The following SETX variants were observed in gnomAD, a reference collection of about 807,000 sequenced individuals.
The protein encoded by SETX is senataxin, also known as helicase senataxin.
SETX carries 90 observed loss-of-function variants against 227.2 expected under a neutral mutation model. The ratio of observed to expected loss-of-function variants is 0.40; its 90% CI spans 0.33 to 0.47. The LOEUF (loss-of-function observed/expected upper bound fraction) is 0.47, where lower values mean the gene tolerates loss of function less well. Ranked by LOEUF, SETX falls within the 20% of genes least tolerant of loss-of-function variation. The pLI, the probability that SETX is intolerant of heterozygous loss-of-function variation, is 0.91. For synonymous variants in SETX, 1,210 were observed against 1,113.2 expected, an observed-to-expected ratio of 1.09 and a Z score of -1.73; for missense variants, 3,052 against 3,181.5, an observed-to-expected ratio of 0.96 and a Z score of 0.98.
At chr9:132,302,855 C>T (rs915547613) in intron 11 of SETX, among the ~76,000 whole-genome samples, 1 of 151,912 alleles carries the variant, frequency 6.6e-6, no homozygotes, top group Non-Finnish European at 1.5e-5. Context: ...TGGAAGGCAG[C>T]TATACAGATA....
chr9:132,263,456 C>G lies in SETX; in HGVS notation c.*783G>C, dbSNP rs1002994298. Reference sequence around the variant, plus strand: ...TGCTGGGAGCATTTGAATGATAGCTCAAGAATTATTCTTTCACTCCATATT... The same window carrying G: ...TGCTGGGAGCATTTGAATGATAGCTGAAGAATTATTCTTTCACTCCATATT... On this transcript the variant is annotated 3_prime_UTR_variant, in exon 26 of 26. Transcript: ENST00000224140. The G allele has an allele frequency of 2.0e-5, 3 of 152,198 alleles. No individual in the cohort carries two copies. The highest frequency in any genetic ancestry group is 7.2e-5 in the African/African-American group (3 of 41,454). 9.4% of individuals were successfully genotyped at this position (152,198 alleles called of 1,614,324 possible).
At chr9:132,312,684 T>C (rs1845732394) in intron 10 of SETX, among the ~76,000 whole-genome samples, 1 of 152,198 alleles carries the variant, frequency 6.6e-6, no homozygotes, top group Non-Finnish European at 1.5e-5. Context: ...ATCTGTGTTA[T>C]CTGCTAGTAA....
At position 132,275,439 on chromosome 9, in the gene SETX, G is replaced by A. The variant is rs1843113421; in HGVS notation, c.6936-19C>T. On this transcript the variant is annotated intron_variant, in intron 22 of 25. Coordinates refer to ENST00000224140, the MANE Select transcript of SETX (RefSeq NM_015046.7). ...ATATGAGCTAAACAAGATGGAAAAA[G>A]AAAACACAGTGTTATCAAAACTAAT... 1.3e-6 allele frequency: 2 copies of A among 1,587,038 alleles called. No homozygotes were observed. Among genetic ancestry groups the A allele is most frequent in the Non-Finnish European group, 1.7e-6 (2 of 1,158,634 alleles).
intron 25 of SETX, among the ~76,000 whole-genome samples, chr9:132,266,704 G>A (rs1842669685): frequency 6.6e-6 from 1 of 152,206 alleles, no homozygotes; most frequent in East Asian, 1.9e-4. Flanking sequence ...CCCAGGAGGC[G>A]GACGTTGCAG....
intron 13 of SETX, 118 bp from the exon 14 acceptor site, chr9:132,297,172 T>A: frequency 2.4e-6 from 2 of 850,528 alleles, no homozygotes; most frequent in Non-Finnish European, 3.7e-6. Flanking sequence ...AAGCTTTGGT[T>A]ATGGTCAGAC....
Position 132,261,455 on chromosome 9 carries a change from G to A in SETX, c.*2784C>T, listed in dbSNP as rs1038267517. ...GCAGACGAAATGATGTTAGTACCTT[G>A]TAGTTTACTTCATAATACATAACCT... On this transcript the variant is annotated 3_prime_UTR_variant, in exon 26 of 26. Coordinates refer to ENST00000224140, the MANE Select transcript of SETX (RefSeq NM_015046.7). 1.3e-5 allele frequency: 2 copies of A among 152,232 alleles called. No individual in the cohort carries two copies. Among genetic ancestry groups the A allele is most frequent in the African/African-American group, 4.8e-5 (2 of 41,454 alleles). 9.4% of individuals were successfully genotyped at this position (152,232 alleles called of 1,614,324 possible). A position where few individuals can be genotyped will look rare whatever the true frequency, so the allele number is the denominator to read the frequency against.
chr9:132,310,202 C>T (rs1305186505), intron 11 of SETX, among the ~76,000 whole-genome samples: 2 of 152,112 alleles, frequency 1.3e-5, no homozygotes, highest in Admixed American at 6.5e-5. Context: ...TTACAAAAGC[C>T]CACAAAACAC....
intron 7 of SETX, among the ~76,000 whole-genome samples, chr9:132,332,488 CCA>C (rs1473918242): frequency 6.6e-6 from 1 of 152,216 alleles, no homozygotes; most frequent in Non-Finnish European, 1.5e-5. Context: ...TCAGACTTTA[CCA>C]CAGTCATTTG....
intron 23 of SETX, among the ~76,000 whole-genome samples, chr9:132,272,569 AGCCTCCCAAG>A (rs1842954514): frequency 6.6e-6 from 1 of 152,040 alleles, no homozygotes; most frequent in Non-Finnish European, 1.5e-5. Flanking sequence ...TCCTTGCCTC[AGCCTCCCAAG>A]GAGATGCATG....
At chr9:132,283,010 A>G (rs1217157099) in intron 19 of SETX, 2 of 514,978 alleles carry the variant, frequency 3.9e-6, no homozygotes, top group African/African-American at 1.9e-5. Context: ...GGAGTGAGAC[A>G]GTCACTCAGC....
intron 19 of SETX, 48 bp from the exon 20 acceptor site, chr9:132,281,622 T>C (rs1168167183): frequency 1.5e-6 from 2 of 1,300,662 alleles, no homozygotes; most frequent in Non-Finnish European, 2.2e-6. Flanking sequence ...TCTTTGCTAT[T>C]TATCCATATA....
At chr9:132,286,379 GAAA>G (rs201395158) in intron 18 of SETX, 41 bp downstream of exon 18, 7 of 1,166,358 alleles carry the variant, frequency 6.0e-6, no homozygotes, top group East Asian at 2.6e-5. Context: ...ATTTTAAAAA[GAAA>G]AAAAAAAAAA....
Position 132,336,342 on chromosome 9 carries a change from C to G in SETX, c.672G>C (p.Leu224=). Residue 224 remains leucine (L), a synonymous_variant, in exon 6 of 26, where the codon CTG becomes CTC. Transcript: ENST00000224140. ...TGGTAGTATCATACATGTGTGAGGG[C>G]AGAAGAATCAGTTTACCCTTCTCTA... is the stretch of plus-strand genomic sequence containing the variant. ...SVLEKGKLIL[L]PSHMYDTTNY... is the part of the protein sequence containing the mutation. 2.5e-6 allele frequency: 4 copies of G among 1,614,008 alleles called. No homozygotes were observed. Among genetic ancestry groups the G allele is most frequent in the Non-Finnish European group, 3.4e-6 (4 of 1,179,920 alleles).
chr9:132,301,089 T>C (rs955664447), intron 11 of SETX, among the ~76,000 whole-genome samples: 40 of 72,960 alleles, frequency 5.5e-4, no homozygotes, highest in African/African-American at 2.3e-3. Flanking sequence ...TTTATTCTGC[T>C]TTTTTTTTTT....
In SETX at chr9:132,327,720, G is replaced by A. The variant is rs781408572; in HGVS notation, c.3878C>T (p.Pro1293Leu). Reference sequence around the variant, plus strand: ...CTGGGACAACTCATATGCCTTACGAGGACCCTTTTTCAGGCCAAGTTTCTC... The same window carrying A: ...CTGGGACAACTCATATGCCTTACGAAGACCCTTTTTCAGGCCAAGTTTCTC... ...TAEKLGLKKG[P>L]RKAYELSQRS... Residue 1293 changes from proline to leucine, a missense_variant, in exon 10 of 26, where the codon CCT (proline) becomes CTT (leucine). Physicochemically the swap from Pro to Leu is moderately conservative, Grantham distance 98. Around this residue, in one of 10 missense-constraint regions of SETX, gnomAD observed 1,483 missense variants for 1,312.0 expected, o/e 1.13. Transcript: ENST00000224140. The A allele has an allele frequency of 6.8e-6, 11 of 1,614,116 alleles. No individual in the cohort carries two copies. Among genetic ancestry groups the A allele is most frequent in the Middle Eastern group, 1.6e-4 (1 of 6,062 alleles).
intron 15 of SETX, among the ~76,000 whole-genome samples, chr9:132,289,045 TG>T (rs1287629225): frequency 6.6e-6 from 1 of 152,130 alleles, no homozygotes; most frequent in Non-Finnish European, 1.5e-5. Context: ...AAAGGGCTTG[TG>T]GGGTGCCTGC....
chr9:132,331,990 G>A (rs1847266094), intron 7 of SETX, among the ~76,000 whole-genome samples: 1 of 152,146 alleles, frequency 6.6e-6, no homozygotes, highest in Non-Finnish European at 1.5e-5. Context: ...TTTAGCTAAG[G>A]AATAAGGCAA....
intron 11 of SETX, among the ~76,000 whole-genome samples, chr9:132,301,343 T>C (rs1387669273): frequency 3.3e-5 from 5 of 152,108 alleles, no homozygotes; most frequent in Admixed American, 3.3e-4. Flanking sequence ...CGCCTCAGCC[T>C]CCCAAAGTGC....
upstream of SETX, among the ~76,000 whole-genome samples, chr9:132,355,583 T>G (rs1848868672): frequency 6.6e-6 from 1 of 152,188 alleles, no homozygotes; most frequent in Admixed American, 6.5e-5. Context: ...CTCCCGCTTC[T>G]AATCCCACCA....
Sources: allele counts gnomAD v4.1 joint callset (sites outside exome capture counted in the v4.1 genomes callset), GRCh38; gene constraint gnomAD v4.1.1; regional missense constraint gnomAD v4.1.1; transcripts MANE v1.5; gene names NCBI Gene and HGNC (gene_info 2026-07-23, HGNC 2026-07-21).